LARP4: variants seen among roughly 807,000 people sequenced by gnomAD.
The protein encoded by LARP4 is la-related protein 4.
LARP4 carries 29 observed loss-of-function variants against 92.9 expected under a neutral mutation model. That is an observed-to-expected ratio of 0.31 (90% CI 0.23 to 0.43). The LOEUF (loss-of-function observed/expected upper bound fraction) is 0.43. Ranked by LOEUF, LARP4 falls within the 20% of genes least tolerant of loss-of-function variation. LARP4 has a pLI of 1.00. For missense variants in LARP4, 732 were observed against 860.0 expected (o/e 0.85, Z 1.86); for synonymous variants, 279 against 284.1 (o/e 0.98, Z 0.18).
At chr12:50,453,431 T>C (rs1953642350) in intron 8 of LARP4, 29 bp from the exon 9 acceptor site, 1 of 1,284,308 alleles carries the variant, frequency 7.8e-7, no homozygotes, top group Non-Finnish European at 1.1e-6. Context: ...CACTTAATTC[T>C]TTGTTGCTAT....
At chr12:50,437,402 T>G (rs1565613138) in intron 5 of LARP4, among the ~76,000 whole-genome samples, 1 of 152,200 alleles carries the variant, frequency 6.6e-6, no homozygotes, top group East Asian at 1.9e-4. Context: ...CATCCATTTG[T>G]TATCTCCTCA....
intron 12 of LARP4, 151 bp from the exon 13 acceptor site, chr12:50,466,808 G>T: frequency 1.6e-6 from 1 of 622,292 alleles, no homozygotes. Context: ...CAAGTGAGAT[G>T]TCAAACCAAG....
chr12:50,418,281 C>T (rs538563100), intron 1 of LARP4, among the ~76,000 whole-genome samples: 1 of 152,098 alleles, frequency 6.6e-6, no homozygotes. Context: ...GGATTACAGG[C>T]GTGAGCCACT....
chr12:50,435,596 C>T lies in LARP4; in HGVS notation c.507C>T (p.Asp169=). The T allele has an allele frequency of 6.2e-7, 1 of 1,605,832 alleles. No homozygotes were observed. The highest frequency in any genetic ancestry group is 8.5e-7 in the Non-Finnish European group (1 of 1,174,046). ...AAGAAATAAAAAAGTTGACTACAGA[C>T]CCTGATCTAATTCTTGAAGTGTTAA... The part of the protein sequence containing the change: ...NMEEIKKLTT[D]PDLILEVLRS... Residue 169 remains aspartate, a synonymous_variant, in exon 5 of 16, where the codon GAC becomes GAT. Transcript: ENST00000398473.
chr12:50,435,287 A>G (rs1950246284), intron 4 of LARP4, among the ~76,000 whole-genome samples: 1 of 152,248 alleles, frequency 6.6e-6, no homozygotes, highest in Non-Finnish European at 1.5e-5. Context: ...TATATTAACT[A>G]ATGTTTATGT....
In LARP4 at chr12:50,441,761, G is replaced by T. The variant is rs1265450842; in HGVS notation, c.804+118G>T. On this transcript the variant is annotated intron_variant, in intron 8 of 15. Coordinates refer to ENST00000398473, the MANE Select transcript of LARP4 (RefSeq NM_052879.5). The stretch of plus-strand genomic sequence containing the variant: ...CCATAGTGACTTTCAAAAAGTTTCT[G>T]GCTTGGTCCAGGCGTGGTGGCTCAC... The T allele has an allele frequency of 3.4e-6, 3 of 878,398 alleles. No individual in the cohort carries two copies. The South Asian group carries it at 5.0e-5, about 15-fold the overall frequency. The allele number at this position is 878,398 out of a possible 1,614,324, so 54.4% of individuals were successfully genotyped here.
intron 7 of LARP4, 111 bp downstream of exon 7, chr12:50,440,660 G>GAGGTA (rs1190158077): frequency 1.5e-6 from 1 of 676,138 alleles, no homozygotes; most frequent in East Asian, 2.8e-5. Flanking sequence ...AGACTAGTGA[G>GAGGTA]TACCTTGGTC....
At chr12:50,472,587 T>A (rs11836902) in intron 13 of LARP4, among the ~76,000 whole-genome samples, 10 of 151,982 alleles carry the variant, frequency 6.6e-5, no homozygotes, top group African/African-American at 2.2e-4. Flanking sequence ...GGTACTATCA[T>A]GGTTCACTGC....
In LARP4 at chr12:50,400,918, G is replaced by T; in HGVS notation, c.-93G>T. ...CCACTGCCGGGTGGAGGGGCAAGGC[G>T]AGTGTGTGTCCTTATCCTAGCAATT... On this transcript the variant is annotated 5_prime_UTR_variant, in exon 1 of 16. Transcript: ENST00000398473. 1 of 1,561,648 alleles carries T rather than the reference G, an allele frequency of 6.4e-7. No homozygotes were observed. The highest frequency in any genetic ancestry group is 1.4e-5 in the African/African-American group (1 of 74,000).
chr12:50,453,437 G>A (rs887130036), intron 8 of LARP4, 23 bp from the exon 9 acceptor site: 1 of 1,352,004 alleles, frequency 7.4e-7, no homozygotes, highest in African/African-American at 1.4e-5. Context: ...ATTCTTTGTT[G>A]CTATAATGTG....
rs561052981 is a variant in LARP4, at chr12:50,430,632, C to T, written c.398+62C>T. The T allele has an allele frequency of 4.6e-4, 428 of 940,460 alleles. 5 individuals are homozygous for T. In the Admixed American group the frequency reaches 9.4e-3, roughly 21 times the overall value. The allele number at this position is 940,460 out of a possible 1,614,324, so 58.3% of individuals were successfully genotyped here. On this transcript the variant is annotated intron_variant, in intron 4 of 15. Coordinates refer to ENST00000398473, the MANE Select transcript of LARP4 (RefSeq NM_052879.5). ...GATGTAAAATACGTGTGAAATAGAG[C>T]GCAAGGATGGTGATTATTATTTAAC...
chr12:50,411,806 G>A (rs568485183), intron 1 of LARP4, among the ~76,000 whole-genome samples: 10 of 151,870 alleles, frequency 6.6e-5, no homozygotes, highest in East Asian at 5.8e-4. Context: ...TCAGCGTCCC[G>A]AGTAGCTGGG....
intron 13 of LARP4, among the ~76,000 whole-genome samples, chr12:50,471,748 C>T (rs1956959688): frequency 6.6e-6 from 1 of 152,130 alleles, no homozygotes; most frequent in Non-Finnish European, 1.5e-5. Flanking sequence ...CTCTCAAACT[C>T]CTGACCTCAG....
intron 10 of LARP4, among the ~76,000 whole-genome samples, chr12:50,460,149 A>AG (rs1391695356): frequency 9.2e-5 from 14 of 152,002 alleles, no homozygotes; most frequent in African/African-American, 2.7e-4. Context: ...AAAAAAAAAA[A>AG]AAGAAGAAGA....
Position 50,401,023 on chromosome 12 carries a change from G to A in LARP4, c.13G>A (p.Val5Met), listed in dbSNP as rs201028627. MLLFVEQVASKGTGL... is the reference protein window; with the variant it reads MLLFMEQVASKGTGL... ...AGCAGAGGACGACATGTTGCTTTTCGTGGAGGTGAGTGCATTATGCTAGTC... is the reference window on the plus strand; with the variant it reads ...AGCAGAGGACGACATGTTGCTTTTCATGGAGGTGAGTGCATTATGCTAGTC... Residue 5 changes from valine to methionine, a missense_variant, in exon 1 of 16, where the codon GTG (valine) becomes ATG (methionine). Around this residue, in one of 7 missense-constraint regions of LARP4, gnomAD observed 236 missense variants for 307.6 expected, o/e 0.77. Coordinates refer to ENST00000398473, the MANE Select transcript of LARP4 (RefSeq NM_052879.5). 26 of 1,614,148 alleles carry A rather than the reference G, an allele frequency of 1.6e-5. No homozygotes were observed. Among genetic ancestry groups the A allele is most frequent in the Non-Finnish European group, 2.2e-5 (26 of 1,180,018 alleles).
intron 5 of LARP4, 70 bp downstream of exon 5, chr12:50,435,694 T>C: frequency 2.6e-6 from 3 of 1,156,992 alleles, no homozygotes; most frequent in Non-Finnish European, 3.7e-6. Context: ...CTTCTGATCA[T>C]ATAGGGAATT....
intron 15 of LARP4, 110 bp from the exon 16 acceptor site, chr12:50,475,416 C>T: frequency 6.7e-6 from 6 of 895,874 alleles, no homozygotes; most frequent in Non-Finnish European, 1.0e-5. Flanking sequence ...GCTTGTTGCC[C>T]TTTTCTGGAA....
chr12:50,437,068 C>T (rs967665466), intron 5 of LARP4, among the ~76,000 whole-genome samples: 3 of 152,162 alleles, frequency 2.0e-5, no homozygotes, highest in African/African-American at 7.2e-5. Flanking sequence ...CTTATTATAC[C>T]TATGCCATCA....
intron 1 of LARP4, among the ~76,000 whole-genome samples, chr12:50,427,321 T>C (rs1425626594): frequency 6.6e-6 from 1 of 152,156 alleles, no homozygotes; most frequent in Non-Finnish European, 1.5e-5. Flanking sequence ...ATAGTTTAAA[T>C]TTTGTGACAT....
Sources: gnomAD v4.1 joint callset for allele counts (sites outside exome capture counted in the v4.1 genomes callset) on GRCh38, gnomAD v4.1.1 for gene constraint, gnomAD v4.1.1 regional missense constraint, MANE v1.5 for transcripts, NCBI Gene and HGNC (gene_info 2026-07-23, HGNC 2026-07-21) for gene names.